FHOD3: variants seen among roughly 807,000 people sequenced by gnomAD.
FHOD3 encodes the protein FH1/FH2 domain-containing protein 3.
A neutral mutation model predicts 173.0 loss-of-function variants in FHOD3; 90 were observed. The observed-to-expected ratio is 0.52, with a 90% CI of 0.44 to 0.62. The LOEUF is 0.62. Ranked by LOEUF, FHOD3 falls within the 20% of genes least tolerant of loss-of-function variation. FHOD3 has a pLI of 0.00. For missense variants in FHOD3, 1,945 were observed against 2,034.7 expected (o/e 0.96, Z 0.85); for synonymous variants, 828 against 823.0 (o/e 1.01, Z -0.10).
At chr18:36,635,336 T>C in intron 10 of FHOD3, among the ~76,000 whole-genome samples, 1 of 152,214 alleles carries the variant, frequency 6.6e-6, no homozygotes, top group Non-Finnish European at 1.5e-5. Context: ...TCTGAAGAAA[T>C]TGGCAAAATT....
At chr18:36,539,807 A>T (rs959546088) in intron 5 of FHOD3, among the ~76,000 whole-genome samples, 5 of 152,222 alleles carry the variant, frequency 3.3e-5, no homozygotes, top group Non-Finnish European at 5.9e-5. Context: ...TGATGTGCTC[A>T]TTAAAGTCCC....
intron 28 of FHOD3, among the ~76,000 whole-genome samples, chr18:36,771,110 G>T (rs941269084): frequency 1.3e-5 from 2 of 152,098 alleles, no homozygotes; most frequent in African/African-American, 4.8e-5. Flanking sequence ...ACTTGGCTAG[G>T]GGCTCGCAAC....
At chr18:36,447,208 T>C (rs2051537146) in intron 3 of FHOD3, among the ~76,000 whole-genome samples, 1 of 152,210 alleles carries the variant, frequency 6.6e-6, no homozygotes, top group Admixed American at 6.5e-5. Flanking sequence ...CTGTGATTAC[T>C]GTAAATGCAG....
intron 3 of FHOD3, among the ~76,000 whole-genome samples, chr18:36,470,305 A>G (rs1193738568): frequency 2.0e-5 from 3 of 152,244 alleles, no homozygotes; most frequent in Non-Finnish European, 4.4e-5. Context: ...TATTAGTGAC[A>G]TGAATGAGTG....
chr18:36,549,289 A>ATAT (rs1349323810), intron 5 of FHOD3, among the ~76,000 whole-genome samples: 7 of 151,682 alleles, frequency 4.6e-5, no homozygotes, highest in African/African-American at 1.2e-4. Context: ...TTCTTATTTG[A>ATAT]TATTATTGTT....
chr18:36,666,965 A>G (rs2037221762), intron 14 of FHOD3, among the ~76,000 whole-genome samples: 1 of 152,162 alleles, frequency 6.6e-6, no homozygotes, highest in Non-Finnish European at 1.5e-5. Context: ...TTCATTGTAG[A>G]TTCATTTGCA....
chr18:36,347,059 T>C (rs1852632093), intron 1 of FHOD3, among the ~76,000 whole-genome samples: 1 of 152,084 alleles, frequency 6.6e-6, no homozygotes, highest in African/African-American at 2.4e-5. Flanking sequence ...GGACACAGTG[T>C]CTCCCCAGGA....
At chr18:36,370,744 C>T (rs965478267) in intron 2 of FHOD3, among the ~76,000 whole-genome samples, 21 of 152,102 alleles carry the variant, frequency 1.4e-4, no homozygotes, top group Non-Finnish European at 2.9e-4. Flanking sequence ...GCTGGTAATG[C>T]GAATTACAGA....
chr18:36,650,354 G>A (rs186714979), intron 11 of FHOD3, among the ~76,000 whole-genome samples: 1 of 152,114 alleles, frequency 6.6e-6, no homozygotes, highest in Non-Finnish European at 1.5e-5. Flanking sequence ...TCTCAGATGG[G>A]CTCATTTGAC....
intron 8 of FHOD3, among the ~76,000 whole-genome samples, chr18:36,605,575 G>A (rs1205912925): frequency 7.9e-5 from 12 of 152,030 alleles, no homozygotes; most frequent in Middle Eastern, 3.2e-3. Flanking sequence ...TTATTGGAAC[G>A]CTAAGCTTGT....
At chr18:36,571,112 C>A (rs1232645757) in intron 5 of FHOD3, among the ~76,000 whole-genome samples, 2 of 151,944 alleles carry the variant, frequency 1.3e-5, no homozygotes, top group Non-Finnish European at 2.9e-5. Flanking sequence ...TACAAAATTC[C>A]AGGAAATCTA....
intron 16 of FHOD3, among the ~76,000 whole-genome samples, chr18:36,690,901 A>C (rs2038923374): frequency 6.6e-6 from 1 of 152,024 alleles, no homozygotes; most frequent in Non-Finnish European, 1.5e-5. Flanking sequence ...TGAAGCAACA[A>C]CTCACCATCC....
At chr18:36,706,494 C>T (rs974336859) in intron 17 of FHOD3, among the ~76,000 whole-genome samples, 8 of 152,216 alleles carry the variant, frequency 5.3e-5, no homozygotes, top group African/African-American at 1.7e-4. Context: ...AATTGTACTC[C>T]TCCCCCACAA....
chr18:36,570,286 G>C (rs1401013272), intron 5 of FHOD3, among the ~76,000 whole-genome samples: 2 of 152,000 alleles, frequency 1.3e-5, no homozygotes, highest in African/African-American at 4.8e-5. Context: ...AGATGAAATG[G>C]ATCAATTCCT....
intron 3 of FHOD3, among the ~76,000 whole-genome samples, chr18:36,479,684 TTGACTA>T (rs2053776835): frequency 1.3e-5 from 2 of 152,178 alleles, no homozygotes; most frequent in South Asian, 4.1e-4. Flanking sequence ...TAAGAACTCT[TTGACTA>T]TATAGCGTGA....
chr18:36,298,769 T>A (rs1460327836), intron 1 of FHOD3, among the ~76,000 whole-genome samples: 4 of 151,890 alleles, frequency 2.6e-5, no homozygotes, highest in African/African-American at 7.3e-5. Flanking sequence ...GTTTTTTTTT[T>A]TTTATTTGTT....
intron 6 of FHOD3, among the ~76,000 whole-genome samples, chr18:36,583,294 G>T (rs1288828896): frequency 6.6e-6 from 1 of 152,150 alleles, no homozygotes; most frequent in Admixed American, 6.5e-5. Context: ...GAGCTTTGGG[G>T]TCACACACGC....
intron 3 of FHOD3, among the ~76,000 whole-genome samples, chr18:36,459,602 A>G (rs946887657): frequency 6.6e-6 from 1 of 152,186 alleles, no homozygotes; most frequent in Non-Finnish European, 1.5e-5. Context: ...GCCTTGGAGA[A>G]AGGGAAGCTG....
At chr18:36,752,555 C>G (rs1367730962) in intron 24 of FHOD3, among the ~76,000 whole-genome samples, 1 of 152,122 alleles carries the variant, frequency 6.6e-6, no homozygotes, top group East Asian at 1.9e-4. Context: ...GAAAAAAATT[C>G]CTTAAAAGTT....
Sources: gnomAD v4.1 joint callset for allele counts (sites outside exome capture counted in the v4.1 genomes callset) on GRCh38, gnomAD v4.1.1 for gene constraint, MANE v1.5 for transcripts, NCBI Gene and HGNC (gene_info 2026-07-23, HGNC 2026-07-21) for gene names.